NAA15: variants seen among roughly 807,000 people sequenced by gnomAD.
The protein encoded by NAA15 is N-alpha-acetyltransferase 15, NatA auxiliary subunit.
A neutral mutation model predicts 114.0 loss-of-function variants in NAA15; 34 were observed. The observed-to-expected ratio is 0.30, with a 90% CI of 0.23 to 0.40. NAA15 has a LOEUF of 0.40. NAA15 is among the 10% of genes least tolerant of loss of function. The pLI, the probability that NAA15 is intolerant of heterozygous loss-of-function variation, is 1.00. For missense variants in NAA15, 658 were observed against 1,004.5 expected (o/e 0.66, Z 4.66); for synonymous variants, 340 against 338.0 (o/e 1.01, Z -0.06).
chr4:139,345,407 G>A (rs190924170), intron 6 of NAA15, among the ~76,000 whole-genome samples: 15 of 152,138 alleles, frequency 9.9e-5, no homozygotes, highest in Admixed American at 5.9e-4. Context: ...TCAAGGCTTG[G>A]GCCTCAAGTT....
At chr4:139,315,976 CT>C (rs902561801) in intron 1 of NAA15, among the ~76,000 whole-genome samples, 1 of 150,784 alleles carries the variant, frequency 6.6e-6, no homozygotes, top group African/African-American at 2.4e-5. Flanking sequence ...ATTCCAGTTT[CT>C]TTTTTTTCTG....
chr4:139,351,129 T>A, intron 7 of NAA15, 62 bp from the exon 8 acceptor site: 2 of 859,650 alleles, frequency 2.3e-6, no homozygotes, highest in Non-Finnish European at 3.4e-6. Flanking sequence ...AAGTTCGTAA[T>A]TTTCCAGAAA....
At position 139,341,017 on chromosome 4, in the gene NAA15, T is replaced by C; in HGVS notation, c.350T>C (p.Leu117Ser). 6.2e-7 allele frequency: 1 copy of C among 1,609,932 alleles called. No individual in the cohort carries two copies. The highest frequency in any genetic ancestry group is 8.5e-7 in the Non-Finnish European group (1 of 1,178,350). The change falls in exon 4 of 20, where the codon TTA (leucine) becomes TCA (serine). Residue 117 changes from leucine to serine, a missense_variant. Transcript: ENST00000296543. ...LKWDKDNLQI[L>S]RDLSLLQIQM... is the part of the protein sequence containing the mutation. ...TGGGATAAAGACAATCTTCAAATCTTAAGGGACCTTTCCTTACTACAGATT... is the reference window on the plus strand; with the variant it reads ...TGGGATAAAGACAATCTTCAAATCTCAAGGGACCTTTCCTTACTACAGATT...
intron 3 of NAA15, among the ~76,000 whole-genome samples, chr4:139,339,867 AGATCTAAAGT>A (rs1436484583): frequency 3.3e-5 from 5 of 152,246 alleles, no homozygotes; most frequent in Non-Finnish European, 7.3e-5. Context: ...ACAGTAATCA[AGATCTAAAGT>A]GAAAAAGGGC....
At position 139,387,949 on chromosome 4, in the gene NAA15, A is replaced by C; in HGVS notation, c.2466A>C (p.Glu822Asp). The change falls in exon 20 of 20, where the codon GAA becomes GAC. Residue 822 changes from glutamate to aspartate, a missense_variant. Around this residue, in one of 6 missense-constraint regions of NAA15, gnomAD observed 275 missense variants for 371.1 expected, o/e 0.74. Coordinates refer to ENST00000296543, the MANE Select transcript of NAA15 (RefSeq NM_057175.5). Reference protein sequence around the residue: ...GSLGDCKEAAEIYRANCHKLF... With the variant: ...GSLGDCKEAADIYRANCHKLF... ...TAGGAGACTGTAAAGAAGCTGCTGA[A>C]ATTTATAGAGCAAATTGTCATAAGC... 1 of 1,614,028 alleles carries C rather than the reference A, an allele frequency of 6.2e-7. No homozygotes were observed. The highest frequency in any genetic ancestry group is 8.5e-7 in the Non-Finnish European group (1 of 1,179,950).
intron 2 of NAA15, among the ~76,000 whole-genome samples, chr4:139,335,369 T>C (rs940670125): frequency 1.3e-5 from 2 of 152,146 alleles, no homozygotes; most frequent in Admixed American, 6.6e-5. Flanking sequence ...TCACTGTTTT[T>C]TCTTCTTGTT....
intron 3 of NAA15, among the ~76,000 whole-genome samples, chr4:139,337,982 C>G (rs1747254095): frequency 6.6e-6 from 1 of 152,184 alleles, no homozygotes. Flanking sequence ...AGATAGATGT[C>G]TTTCCATCAT....
intron 1 of NAA15, among the ~76,000 whole-genome samples, chr4:139,332,270 A>G (rs949564453): frequency 1.3e-5 from 2 of 151,906 alleles, no homozygotes; most frequent in African/African-American, 4.8e-5. Flanking sequence ...AGCTAGGATT[A>G]CAGGCGCCCG....
In NAA15 at chr4:139,308,986, C is replaced by G. The variant is rs537038548; in HGVS notation, c.54+7155C>G. Among the ~76,000 whole-genome samples the G allele has an allele frequency of 9.9e-5, 15 of 152,098 alleles. No individual in the cohort carries two copies. The South Asian group carries it at 2.9e-3, about 30-fold the overall frequency. On this transcript the variant is annotated intron_variant, in intron 1 of 19. Coordinates refer to ENST00000296543, the MANE Select transcript of NAA15 (RefSeq NM_057175.5). ...TACCAGAAAACAAAATGCAGTTTTG[C>G]TATTTTATATATGTGTATATAATGT...
At chr4:139,355,444 C>T (rs899605106) in intron 10 of NAA15, among the ~76,000 whole-genome samples, 2 of 151,804 alleles carry the variant, frequency 1.3e-5, no homozygotes, top group African/African-American at 2.4e-5. Context: ...AGTTTGCTGA[C>T]TGTACCCCAT....
chr4:139,376,450 C>T lies in NAA15; in HGVS notation c.2033C>T (p.Ala678Val). ...VKNKIETHLF[A>V]FEIYFRKEKF... The stretch of plus-strand genomic sequence containing the variant: ...AACAAGATAGAGACTCATCTTTTTG[C>T]CTTTGAGATTTACTTTAGGAAAGGT... Residue 678 changes from alanine (A) to valine (V), a missense_variant, in exon 16 of 20, where the codon GCC becomes GTC. Physicochemically the swap from Ala to Val is moderately conservative, Grantham distance 64. This residue lies in a region of NAA15 where 275 missense variants were observed against 371.1 expected (regional missense o/e 0.74). Transcript: ENST00000296543. 4 of 1,610,464 alleles carry T rather than the reference C, an allele frequency of 2.5e-6. No homozygotes were observed. The highest frequency in any genetic ancestry group is 3.4e-6 in the Non-Finnish European group (4 of 1,177,290).
At chr4:139,368,104 G>T (rs1303274747) in intron 14 of NAA15, among the ~76,000 whole-genome samples, 3 of 152,164 alleles carry the variant, frequency 2.0e-5, no homozygotes, top group African/African-American at 7.2e-5. Flanking sequence ...TGTTACAGCA[G>T]TATCTCATGT....
chr4:139,309,426 AGTGTGTGTGTGTGTGTGTGTGTGTGTGT>A (rs70943412), intron 1 of NAA15, among the ~76,000 whole-genome samples: 5 of 143,578 alleles, frequency 3.5e-5, no homozygotes, highest in Non-Finnish European at 7.6e-5. Context: ...TTGCTTTTTA[AGTGTGTGTGTGTGTGTGTGTGTGTGTGT>A]GTGTGTGTGT....
At chr4:139,336,712 A>G (rs974988480) in intron 2 of NAA15, 136 bp from the exon 3 acceptor site, 15 of 434,736 alleles carry the variant, frequency 3.5e-5, no homozygotes, top group Non-Finnish European at 5.5e-5. Context: ...AGTGGAAAGT[A>G]TCTTAGTAAT....
At chr4:139,382,209 C>A (rs984457920) in intron 17 of NAA15, among the ~76,000 whole-genome samples, 1 of 151,940 alleles carries the variant, frequency 6.6e-6, no homozygotes. Flanking sequence ...ATTTTTTTAT[C>A]CTTTTTGTAA....
rs913013528 is a variant in NAA15 at position 139,342,965 on chromosome 4, T to C, written c.537+5T>C. ...GAATTTAGGAAAACACAACAGGTAA[T>C]AACTAGAAGCCATTTTACTAAGTCT... On this transcript the variant is annotated splice_donor_5th_base_variant and intron_variant, in intron 5 of 19. Coordinates refer to ENST00000296543, the MANE Select transcript of NAA15 (RefSeq NM_057175.5). 7 of 1,609,152 alleles carry C rather than the reference T, an allele frequency of 4.4e-6. No homozygotes were observed. In the African/African-American group the frequency reaches 8.0e-5, roughly 18 times the overall value.
At chr4:139,302,639 A>G (rs1745843877) in intron 1 of NAA15, 1 of 152,232 alleles carries the variant, frequency 6.6e-6, no homozygotes, top group African/African-American at 2.4e-5. Context: ...TTTCTTATAC[A>G]CTGAAGTATA....
chr4:139,321,638 A>AT (rs35673045), intron 1 of NAA15, among the ~76,000 whole-genome samples: 3,138 of 132,498 alleles, frequency 0.024, 40 homozygotes, highest in African/African-American at 0.034. Context: ...CGCCTGGCTA[A>AT]TTTTTTTTTT....
chr4:139,362,350 G>C (rs1281936248), intron 14 of NAA15, among the ~76,000 whole-genome samples: 1 of 152,188 alleles, frequency 6.6e-6, no homozygotes, highest in South Asian at 2.1e-4. Context: ...CATGATCTCG[G>C]ATCACTGCAA....
Sources: allele counts gnomAD v4.1 joint callset (sites outside exome capture counted in the v4.1 genomes callset), GRCh38; gene constraint gnomAD v4.1.1; regional missense constraint gnomAD v4.1.1; transcripts MANE v1.5; gene names NCBI Gene and HGNC (gene_info 2026-07-23, HGNC 2026-07-21).